Variants in TTF2 observed in about 807,000 individuals in gnomAD.
The protein encoded by TTF2 is RNA polymerase II termination factor.
Under a neutral mutation model 142.4 loss-of-function variants are expected in TTF2, and 108 were observed. That is an observed-to-expected ratio of 0.76 (90% CI 0.65 to 0.89). The LOEUF is 0.89. Among genes scored for constraint, TTF2 ranks in the 40% least tolerant of loss-of-function variants. The pLI is 0.00. For synonymous variants in TTF2, 483 were observed against 506.2 expected, an observed-to-expected ratio of 0.95 and a Z score of 0.61; for missense variants, 1,327 against 1,379.8, an observed-to-expected ratio of 0.96 and a Z score of 0.61.
Position 117,077,952 on chromosome 1 carries a change from A to G in TTF2, c.1610A>G (p.Lys537Arg), listed in dbSNP as rs148819745. The change falls in exon 8 of 23, where the codon AAA becomes AGA. Residue 537 changes from lysine (K) to arginine (R), a missense_variant. Lys to Arg is a conservative substitution (Grantham distance 26). Transcript: ENST00000369466. ...CAAGATCACGTTCATGCAGTGTGGA[A>G]AATCACAAGTGAAGCCATCGGTCAA... is the stretch of plus-strand genomic sequence containing the variant. The part of the protein sequence containing the change: ...TNQDHVHAVW[K>R]ITSEAIGQLH... 6.8e-5 allele frequency: 109 copies of G among 1,614,212 alleles called. No individual in the cohort carries two copies. The African/African-American group carries it at 1.4e-3, about 20-fold the overall frequency.
chr1:117,091,842 G>C lies in TTF2; in HGVS notation c.2697G>C (p.Glu899Asp), dbSNP rs368883921. Residue 899 changes from glutamate to aspartate, a missense_variant, in exon 17 of 23, where the codon GAG (glutamate) becomes GAC (aspartate). Coordinates refer to ENST00000369466, the MANE Select transcript of TTF2 (RefSeq NM_003594.4). ...SRVALEFGSE[E>D]PRHSEAADSP... ...TGGCACTGGAGTTTGGGTCTGAGGA[G>C]CCTAGACACTCGGAGGCAGCAGACT... 6.2e-7 allele frequency: 1 copy of C among 1,613,486 alleles called. No homozygotes were observed. The highest frequency in any genetic ancestry group is 1.7e-5 in the Admixed American group (1 of 59,964).
At position 117,099,940 on chromosome 1, in the gene TTF2, G is replaced by A. The variant is rs539172729; in HGVS notation, c.3344+1033G>A. On this transcript the variant is annotated intron_variant, in intron 22 of 22. Coordinates refer to ENST00000369466, the MANE Select transcript of TTF2 (RefSeq NM_003594.4). The surrounding 1 kb of genome is among the most constrained non-coding windows in gnomAD (Gnocchi z 4.3). ...ACATTCCTTCCTTCACAAATTCTGT[G>A]CACTCCAGTAAGTCCAAAATTTGTA... Among the ~76,000 whole-genome samples, 6 of 152,270 alleles carry A rather than the reference G, an allele frequency of 3.9e-5. No homozygotes were observed. Among genetic ancestry groups the A allele is most frequent in the Non-Finnish European group, 5.9e-5 (4 of 67,996 alleles).
Position 117,091,800 on chromosome 1 carries a change from G to C in TTF2, c.2672-17G>C. 6.2e-7 allele frequency: 1 copy of C among 1,606,864 alleles called. No individual in the cohort carries two copies. The highest frequency in any genetic ancestry group is 2.2e-5 in the East Asian group (1 of 44,580). On this transcript the variant is annotated splice_polypyrimidine_tract_variant and intron_variant, in intron 16 of 22. Coordinates refer to ENST00000369466, the MANE Select transcript of TTF2 (RefSeq NM_003594.4). ...TAAATCCTGTACCATCCTGTGGCTT[G>C]TCTTCCCTCTTGGAAGTGGCACTGG... is the stretch of plus-strand genomic sequence containing the variant.
At chr1:117,083,989 C>A (rs1557818442) in intron 10 of TTF2, 29 bp from the exon 11 acceptor site, 3 of 1,612,986 alleles carry the variant, frequency 1.9e-6, no homozygotes, top group Non-Finnish European at 2.5e-6. Context: ...GTGAATGTAA[C>A]TAGGCACTGA....
Position 117,076,000 on chromosome 1 carries a change from T to C in TTF2, c.1275+141T>C, listed in dbSNP as rs898746582. 1.5e-6 allele frequency: 2 copies of C among 1,367,724 alleles called. No individual in the cohort carries two copies. The allele number at this position is 1,367,724 out of a possible 1,614,324, so 84.7% of individuals were successfully genotyped here. A position where few individuals can be genotyped will look rare whatever the true frequency, so the allele number is the denominator to read the frequency against. On this transcript the variant is annotated intron_variant, in intron 5 of 22. Coordinates refer to ENST00000369466, the MANE Select transcript of TTF2 (RefSeq NM_003594.4). This position sits in a 1 kb window ranked among gnomAD's most constrained non-coding sequence, Gnocchi z 4.5. ...CATGTTCAGTTTCTGCCTTTTCCCC[T>C]ATTTATATTTTCAAGATTGGTAAGC...
intron 11 of TTF2, 28 bp downstream of exon 11, chr1:117,084,196 G>T: frequency 6.2e-7 from 1 of 1,613,278 alleles, no homozygotes; most frequent in Non-Finnish European, 8.5e-7. Flanking sequence ...CAGTTGTGGG[G>T]GCGTTCAGCA....
In TTF2 at chr1:117,092,328, T is replaced by G. The variant is rs1298912219; in HGVS notation, c.2805+378T>G. 6.6e-6 allele frequency among the ~76,000 whole-genome samples: 1 copy of G among 152,208 alleles called. No individual in the cohort carries two copies. Among genetic ancestry groups the G allele is most frequent in the African/African-American group, 2.4e-5 (1 of 41,462 alleles). ...CTGCTTTCAGGCAGTTTTGGGGTTTTGGGTTCCAGTTATAAAAACTCAGAT... is the reference window on the plus strand; with the variant it reads ...CTGCTTTCAGGCAGTTTTGGGGTTTGGGGTTCCAGTTATAAAAACTCAGAT... On this transcript the variant is annotated intron_variant, in intron 17 of 22. Coordinates refer to ENST00000369466, the MANE Select transcript of TTF2 (RefSeq NM_003594.4). The surrounding 1 kb of genome is among the most constrained non-coding windows in gnomAD (Gnocchi z 4.4).
At chr1:117,094,913 A>G (rs1648973775) in intron 18 of TTF2, among the ~76,000 whole-genome samples, 1 of 152,084 alleles carries the variant, frequency 6.6e-6, no homozygotes, top group South Asian at 2.1e-4. Context: ...AGCTGACACA[A>G]AAGGGTGTTC....
At chr1:117,096,733 C>T (rs1003218597) in intron 20 of TTF2, among the ~76,000 whole-genome samples, 1 of 152,100 alleles carries the variant, frequency 6.6e-6, no homozygotes, top group Non-Finnish European at 1.5e-5. Context: ...TTGATTCCTC[C>T]GAGTGTTTAG....
chr1:117,076,585 GTCCCT>G lies in TTF2; in HGVS notation c.1391-53_1391-49del, dbSNP rs1657024956. On this transcript the variant is annotated intron_variant, in intron 6 of 22. Transcript: ENST00000369466. The surrounding 1 kb of genome is among the most constrained non-coding windows in gnomAD (Gnocchi z 4.6). ...TCTTGACCTCACCTCCACACATATG[GTCCCT>G]TCACTTAGTTTGCTGAACTTTAATC... 6.5e-7 allele frequency: 1 copy of G among 1,541,396 alleles called. No homozygotes were observed. Among genetic ancestry groups the G allele is most frequent in the Admixed American group, 1.8e-5 (1 of 55,192 alleles).
In TTF2 at chr1:117,095,170, T is replaced by A. The variant is rs1648998574; in HGVS notation, c.2977-139T>A. 3 of 720,826 alleles carry A rather than the reference T, an allele frequency of 4.2e-6. No homozygotes were observed. In the Admixed American group the frequency reaches 7.7e-5, roughly 19 times the overall value. The allele number at this position is 720,826 out of a possible 1,614,324, so 44.7% of individuals were successfully genotyped here. On this transcript the variant is annotated intron_variant, in intron 18 of 22. Transcript: ENST00000369466. ...CACATTTTAGAAAGAGCTTTCTGGC[T>A]GCAGAGAGGAGGGTGGAATAAAGAC...
rs79773811 is a variant in TTF2, at chr1:117,091,186, A to G, written c.2589-142A>G. On this transcript the variant is annotated intron_variant, in intron 15 of 22. Transcript: ENST00000369466. ...TTTTTAAAATAACTGTTTCTTTTGC[A>G]TTACCTTTGGCCATTGCTTCTTATG... is the stretch of plus-strand genomic sequence containing the variant. 4,738 of 537,078 alleles carry G rather than the reference A, an allele frequency of 8.8e-3. 167 individuals carry two copies. The highest frequency in any genetic ancestry group is 0.081 in the African/African-American group (4,217 of 51,850). 33.3% of individuals were successfully genotyped at this position (537,078 alleles called of 1,614,324 possible).
At chr1:117,089,025 T>C (rs779922236) in intron 13 of TTF2, 43 bp downstream of exon 13, 5 of 1,539,076 alleles carry the variant, frequency 3.2e-6, no homozygotes. Context: ...ACCCTGTCTG[T>C]ATCCCTTCAT....
chr1:117,065,523 G>C (rs544074268), intron 3 of TTF2, among the ~76,000 whole-genome samples: 1 of 152,122 alleles, frequency 6.6e-6, no homozygotes, highest in Non-Finnish European at 1.5e-5. Context: ...GCGTGAACCC[G>C]GAGGCAGAGC....
chr1:117,069,853 A>G (rs2101357035), intron 3 of TTF2, among the ~76,000 whole-genome samples: 1 of 152,326 alleles, frequency 6.6e-6, no homozygotes, highest in East Asian at 1.9e-4. Flanking sequence ...TCAGGATTGA[A>G]GAGGTCTGGC....
intron 3 of TTF2, among the ~76,000 whole-genome samples, chr1:117,072,016 GA>G (rs1401460353): frequency 1.3e-5 from 2 of 152,144 alleles, no homozygotes; most frequent in African/African-American, 4.8e-5. Flanking sequence ...GGAGATGGGG[GA>G]GATGGTAGAC....
Position 117,101,424 on chromosome 1 carries a change from A to G in TTF2, c.3389A>G (p.Gln1130Arg). The change falls in exon 23 of 23, where the codon CAA becomes CGA. Residue 1130 changes from glutamine (Q) to arginine (R), a missense_variant. By Grantham distance (43) the Gln-to-Arg change is conservative. Transcript: ENST00000369466. This position sits in a 1 kb window ranked among gnomAD's most constrained non-coding sequence, Gnocchi z 5.9. The stretch of plus-strand genomic sequence containing the variant: ...GTAGAAGAAAAGATCTTACAGCTCC[A>G]AGAAAAAAAGAAAGATTTGGCCAAA... ...GTVEEKILQL[Q>R]EKKKDLAKQV... 1 of 1,608,842 alleles carries G rather than the reference A, an allele frequency of 6.2e-7. No homozygotes were observed. The highest frequency in any genetic ancestry group is 8.5e-7 in the Non-Finnish European group (1 of 1,178,902).
At chr1:117,094,678 G>A (rs907594551) in intron 18 of TTF2, 1 of 487,564 alleles carries the variant, frequency 2.1e-6, no homozygotes, top group Admixed American at 2.2e-5. Context: ...GGCCATGTGT[G>A]TACTCACAGC....
In TTF2 at chr1:117,105,701, AG is replaced by A. The variant is rs1376897780; in HGVS notation, c.*4178del. The stretch of plus-strand genomic sequence containing the variant: ...CACTGCACTCCAGCCTGGGCCACAG[AG>A]AAAGAACGGTGATTCTTTCTAGCAG... On this transcript the variant is annotated 3_prime_UTR_variant, in exon 23 of 23. Transcript: ENST00000369466. This position sits in a 1 kb window ranked among gnomAD's most constrained non-coding sequence, Gnocchi z 4.7. The A allele has an allele frequency of 1.3e-5, 2 of 152,322 alleles. No individual in the cohort carries two copies. The highest frequency in any genetic ancestry group is 4.8e-5 in the African/African-American group (2 of 41,568). 9.4% of individuals were successfully genotyped at this position (152,322 alleles called of 1,614,324 possible).
Sources: allele counts gnomAD v4.1 joint callset (sites outside exome capture counted in the v4.1 genomes callset), GRCh38; gene constraint gnomAD v4.1.1; non-coding constraint Gnocchi (gnomAD v3.1); transcripts MANE v1.5; gene names NCBI Gene and HGNC (gene_info 2026-07-23, HGNC 2026-07-21).